Variants in EP300 observed in about 807,000 individuals in gnomAD.
The protein encoded by EP300 is EP300 lysine acetyltransferase, also known as histone acetyltransferase p300.
EP300 carries 31 observed loss-of-function variants against 264.0 expected under a neutral mutation model. That is an observed-to-expected ratio of 0.12 (90% CI 0.09 to 0.16). The LOEUF (loss-of-function observed/expected upper bound fraction) is 0.16. EP300 is among the 10% of genes least tolerant of loss of function. The pLI is 1.00. For synonymous variants in EP300, 1,340 were observed against 1,045.4 expected, an observed-to-expected ratio of 1.28 and a Z score of -5.44; for missense variants, 2,766 against 3,052.9, an observed-to-expected ratio of 0.91 and a Z score of 2.21.
intron 22 of EP300, among the ~76,000 whole-genome samples, chr22:41,165,585 G>A (rs999743973): frequency 2.6e-5 from 4 of 151,822 alleles, no homozygotes; most frequent in South Asian, 2.1e-4. Flanking sequence ...CACCATGCCC[G>A]GCTAATTTTT....
At position 41,093,166 on chromosome 22, in the gene EP300, TC is replaced by T. The variant is rs2058683269; in HGVS notation, c.94+70del. 2.7e-6 allele frequency: 4 copies of T among 1,506,418 alleles called. No homozygotes were observed. The Admixed American group carries it at 6.9e-5, about 26-fold the overall frequency. 93.3% of individuals were successfully genotyped at this position (1,506,418 alleles called of 1,614,324 possible). On this transcript the variant is annotated intron_variant, in intron 1 of 30. Coordinates refer to ENST00000263253, the MANE Select transcript of EP300 (RefSeq NM_001429.4). ...TTTCTACTCGGTGCGCCTTTATTCT[TC>T]CATTTTTTTTTTCTTCCTCTCTCTC... is the stretch of plus-strand genomic sequence containing the variant.
chr22:41,153,136 G>C (rs1377624730), intron 16 of EP300, among the ~76,000 whole-genome samples: 1 of 152,154 alleles, frequency 6.6e-6, no homozygotes, highest in Non-Finnish European at 1.5e-5. Flanking sequence ...AGGTTACTCA[G>C]CTGACCCTAC....
chr22:41,111,068 C>T (rs949976270), intron 1 of EP300, among the ~76,000 whole-genome samples: 2 of 151,638 alleles, frequency 1.3e-5, no homozygotes, highest in African/African-American at 2.4e-5. Flanking sequence ...TGGATGCAAG[C>T]GATTCTCGTG....
At chr22:41,168,228 G>A in intron 23 of EP300, 2 of 569,068 alleles carry the variant, frequency 3.5e-6, no homozygotes, top group East Asian at 3.0e-5. Flanking sequence ...TGCTTTAATA[G>A]CACATGTATT....
At position 41,157,158 on chromosome 22, in the gene EP300, T is replaced by C; in HGVS notation, c.3262-11T>C. The C allele has an allele frequency of 6.2e-7, 1 of 1,613,892 alleles. No individual in the cohort carries two copies. Among genetic ancestry groups the C allele is most frequent in the Non-Finnish European group, 8.5e-7 (1 of 1,179,920 alleles). Reference sequence around the variant, plus strand: ...GACTTGAGTAATGTTTGATGTCACTTGTCTTTCTAGGATTACTTTGATATT... The same window carrying C: ...GACTTGAGTAATGTTTGATGTCACTCGTCTTTCTAGGATTACTTTGATATT... On this transcript the variant is annotated splice_polypyrimidine_tract_variant and intron_variant, in intron 17 of 30. Coordinates refer to ENST00000263253, the MANE Select transcript of EP300 (RefSeq NM_001429.4).
At chr22:41,151,498 AT>A (rs1317020202) in intron 14 of EP300, among the ~76,000 whole-genome samples, 1 of 152,086 alleles carries the variant, frequency 6.6e-6, no homozygotes, top group Non-Finnish European at 1.5e-5. Context: ...AGTCTTTCTT[AT>A]TTTCTTTCAC....
rs1025962601 is a variant in EP300, at chr22:41,092,830, C to T, written c.-175C>T. The T allele has an allele frequency of 4.1e-6, 3 of 736,776 alleles. No homozygotes were observed. The highest frequency in any genetic ancestry group is 7.3e-6 in the Non-Finnish European group (3 of 410,808). The allele number at this position is 736,776 out of a possible 1,614,324, so 45.6% of individuals were successfully genotyped here. ...GCCCTTACCTTTTCTATCGAGTCCG[C>T]ATCCCTCTCCAGCCACTGCGACCCG... On this transcript the variant is annotated 5_prime_UTR_variant, in exon 1 of 31. Transcript: ENST00000263253.
chr22:41,169,752 TTG>T (rs1322739166), intron 26 of EP300, 136 bp downstream of exon 26: 7 of 659,880 alleles, frequency 1.1e-5, no homozygotes, highest in Admixed American at 9.3e-5. Context: ...TCTCTTAACT[TTG>T]TTGGAGCCCC....
intron 5 of EP300, 79 bp from the exon 6 acceptor site, chr22:41,131,309 G>C: frequency 6.9e-7 from 1 of 1,443,060 alleles, no homozygotes; most frequent in Non-Finnish European, 9.7e-7. Context: ...ATAATTTTGT[G>C]GGGTTTTTTA....
intron 1 of EP300, among the ~76,000 whole-genome samples, chr22:41,111,024 G>C (rs2145688690): frequency 6.6e-6 from 1 of 151,454 alleles, no homozygotes; most frequent in South Asian, 2.1e-4. Context: ...GGAATGCAGT[G>C]GTACAATCTC....
chr22:41,125,943 T>C lies in EP300; in HGVS notation c.809T>C (p.Leu270Pro), dbSNP rs781277803. 6 of 1,614,192 alleles carry C rather than the reference T, an allele frequency of 3.7e-6. No individual in the cohort carries two copies. In the South Asian group the frequency reaches 6.6e-5, roughly 18 times the overall value. Residue 270 changes from leucine (L) to proline (P), a missense_variant, in exon 3 of 31, where the codon CTT becomes CCT. By Grantham distance (98) the Leu-to-Pro change is moderately conservative (BLOSUM62 -3). Transcript: ENST00000263253. Reference sequence around the variant, plus strand: ...GGACAGCAGATTGGAGCCAGTGGCCTTGGTCTCCAGATTCAGACAAAAACT... The same window carrying C: ...GGACAGCAGATTGGAGCCAGTGGCCCTGGTCTCCAGATTCAGACAAAAACT... ...NPGQQIGASG[L>P]GLQIQTKTVL...
chr22:41,179,445 T>C lies in EP300; in HGVS notation c.*489T>C. 1 of 165,646 alleles carries C rather than the reference T, an allele frequency of 6.0e-6. No individual in the cohort carries two copies. The allele number at this position is 165,646 out of a possible 1,614,324, so 10.3% of individuals were successfully genotyped here. Reference sequence around the variant, plus strand: ...TTAATGTTACTTTAAAATTACATTCTATATATATATAAATATATATAAATA... The same window carrying C: ...TTAATGTTACTTTAAAATTACATTCCATATATATATAAATATATATAAATA... On this transcript the variant is annotated 3_prime_UTR_variant, in exon 31 of 31. Coordinates refer to ENST00000263253, the MANE Select transcript of EP300 (RefSeq NM_001429.4).
chr22:41,121,883 A>T (rs8135637), intron 2 of EP300, among the ~76,000 whole-genome samples: 2,702 of 152,304 alleles, frequency 0.018, 73 homozygotes, highest in African/African-American at 0.062. Context: ...CTGTGATAGA[A>T]TGACTTTCAT....
At chr22:41,166,509 G>T (rs2059135292) in intron 22 of EP300, 90 bp from the exon 23 acceptor site, 1 of 1,008,278 alleles carries the variant, frequency 9.9e-7, no homozygotes, top group Non-Finnish European at 1.5e-6. Context: ...AAATACTTCT[G>T]CTAGATTGTC....
In EP300 at chr22:41,176,519, T is replaced by C. The variant is rs776906521; in HGVS notation, c.5052T>C (p.Thr1684=). ...ATGTGGAGACACGCTGGCACTGTAC[T>C]GTCTGTGAGGTAGGCACCGGGTTGT... ...KHHVETRWHC[T]VCEDYDLCIT... is the part of the protein sequence containing the mutation. The change falls in exon 30 of 31, where the codon ACT becomes ACC. Residue 1684 remains threonine, a synonymous_variant. Transcript: ENST00000263253. The C allele has an allele frequency of 4.8e-5, 78 of 1,613,738 alleles. No individual in the cohort carries two copies. Among genetic ancestry groups the C allele is most frequent in the Non-Finnish European group, 6.3e-5 (74 of 1,180,012 alleles).
chr22:41,170,476 C>T lies in EP300; in HGVS notation c.4357C>T (p.Pro1453Ser), dbSNP rs767216111. Reference protein sequence around the residue: ...GDDYIFHCHPPDQKIPKPKRL... With the variant: ...GDDYIFHCHPSDQKIPKPKRL... ...TGATTATATCTTCCATTGCCATCCT[C>T]CTGACCAGAAGATACCCAAGCCCAA... The change falls in exon 27 of 31, where the codon CCT becomes TCT. Residue 1453 changes from proline (P) to serine (S), a missense_variant. Physicochemically the swap from Pro to Ser is moderately conservative, Grantham distance 74. Transcript: ENST00000263253. 1 of 1,614,078 alleles carries T rather than the reference C, an allele frequency of 6.2e-7. No homozygotes were observed. Among genetic ancestry groups the T allele is most frequent in the East Asian group, 2.2e-5 (1 of 44,882 alleles).
In EP300 at chr22:41,178,508, A is replaced by G. The variant is rs1192149090; in HGVS notation, c.6797A>G (p.Gln2266Arg). ...CAGGCCTATCAGCAGCGACTCCTTC[A>G]GCAACAGATGGGGTCCCCTGTTCAG... ...SLQAYQQRLLQQQMGSPVQPN... is the reference protein window; with the variant it reads ...SLQAYQQRLLRQQMGSPVQPN... Residue 2266 changes from glutamine (Q) to arginine (R), a missense_variant, in exon 31 of 31, where the codon CAG (glutamine) becomes CGG (arginine). Coordinates refer to ENST00000263253, the MANE Select transcript of EP300 (RefSeq NM_001429.4). 1 of 1,601,936 alleles carries G rather than the reference A, an allele frequency of 6.2e-7. No individual in the cohort carries two copies. Among genetic ancestry groups the G allele is most frequent in the South Asian group, 1.1e-5 (1 of 90,970 alleles).
At chr22:41,135,560 A>G (rs948070607) in intron 6 of EP300, among the ~76,000 whole-genome samples, 11 of 143,394 alleles carry the variant, frequency 7.7e-5, no homozygotes, top group African/African-American at 2.6e-4. Flanking sequence ...GCCTGGTCAC[A>G]TTTGCTTTTT....
At chr22:41,157,025 T>C in intron 17 of EP300, 144 bp from the exon 18 acceptor site, 1 of 911,486 alleles carries the variant, frequency 1.1e-6, no homozygotes, top group South Asian at 1.5e-5. Flanking sequence ...AAAGAAGTGA[T>C]GGACATCAGT....
Sources: allele counts gnomAD v4.1 joint callset (sites outside exome capture counted in the v4.1 genomes callset), GRCh38; gene constraint gnomAD v4.1.1; transcripts MANE v1.5; gene names NCBI Gene and HGNC (gene_info 2026-07-23, HGNC 2026-07-21).